Variants in EYS observed in about 807,000 individuals in gnomAD.
The protein encoded by EYS is protein eyes shut homolog.
Under a neutral mutation model 282.1 loss-of-function variants are expected in EYS, and 250 were observed. The observed-to-expected ratio is 0.89, with a 90% confidence interval of 0.80 to 0.98. The LOEUF is 0.98. Among genes scored for constraint, EYS ranks in the 50% least tolerant of loss-of-function variants. The pLI is 0.00. For missense variants in EYS, 4,016 were observed against 3,709.0 expected (o/e 1.08, Z -2.15); for synonymous variants, 1,355 against 1,282.9 (o/e 1.06, Z -1.20).
At chr6:64,976,349 T>G (rs2150113821) in intron 14 of EYS, among the ~76,000 whole-genome samples, 1 of 151,910 alleles carries the variant, frequency 6.6e-6, no homozygotes, top group East Asian at 1.9e-4. Context: ...CAGAGTGGTG[T>G]TTGGTTTATT....
chr6:64,944,653 C>T (rs895092033), intron 15 of EYS, among the ~76,000 whole-genome samples: 1 of 151,988 alleles, frequency 6.6e-6, no homozygotes, highest in African/African-American at 2.4e-5. Context: ...AGGGTCTGTG[C>T]TGAGGAGGAT....
intron 12 of EYS, among the ~76,000 whole-genome samples, chr6:65,281,994 T>C (rs1228688596): frequency 6.6e-6 from 1 of 151,982 alleles, no homozygotes; most frequent in Non-Finnish European, 1.5e-5. Flanking sequence ...TGAATAGTAC[T>C]GAAATGAATG....
rs531658629 is a variant in EYS at position 63,933,838 on chromosome 6, G to C, written c.7055+50545C>G. On this transcript the variant is annotated intron_variant, in intron 35 of 42. Transcript: ENST00000503581. Reference sequence around the variant, plus strand: ...TCTATATATGAAGGTTTGAGAGAGAGACACACACACATAATATCATCCAGG... The same window carrying C: ...TCTATATATGAAGGTTTGAGAGAGACACACACACACATAATATCATCCAGG... Among the ~76,000 whole-genome samples, 140 of 152,226 alleles carry C rather than the reference G, an allele frequency of 9.2e-4. 1 individual carries two copies. Among genetic ancestry groups the C allele is most frequent in the African/African-American group, 3.3e-3 (135 of 41,528 alleles).
intron 22 of EYS, among the ~76,000 whole-genome samples, chr6:64,656,312 A>C (rs1768742626): frequency 6.6e-6 from 1 of 152,078 alleles, no homozygotes; most frequent in South Asian, 2.1e-4. Context: ...TTTGAGAGTG[A>C]GTTAGGGGAG....
At chr6:64,812,551 G>T (rs1764629982) in intron 22 of EYS, among the ~76,000 whole-genome samples, 1 of 151,842 alleles carries the variant, frequency 6.6e-6, no homozygotes, top group Non-Finnish European at 1.5e-5. Context: ...TGTATAGAAG[G>T]CAGAATATAT....
chr6:65,333,199 A>C (rs1769859708), intron 11 of EYS, among the ~76,000 whole-genome samples: 2 of 151,484 alleles, frequency 1.3e-5, no homozygotes, highest in Admixed American at 1.3e-4. Flanking sequence ...TTTTATTCGC[A>C]GCACTGCATC....
intron 29 of EYS, among the ~76,000 whole-genome samples, chr6:64,337,224 G>A (rs753785968): frequency 8.6e-5 from 13 of 151,916 alleles, no homozygotes; most frequent in African/African-American, 3.1e-4. Flanking sequence ...ACAATTAATA[G>A]ACCATTAGCA....
At chr6:65,391,679 A>G (rs1334658064) in intron 7 of EYS, among the ~76,000 whole-genome samples, 1 of 152,204 alleles carries the variant, frequency 6.6e-6, no homozygotes, top group Admixed American at 6.5e-5. Flanking sequence ...GAGGATACAA[A>G]CAAATGGAAG....
At chr6:63,972,913 A>G (rs987565329) in intron 35 of EYS, among the ~76,000 whole-genome samples, 1 of 152,130 alleles carries the variant, frequency 6.6e-6, no homozygotes, top group Non-Finnish European at 1.5e-5. Context: ...TATATGTGCC[A>G]CATTTTCTTT....
rs867772159 is a variant in EYS at position 64,832,749 on chromosome 6, G to A, written c.2993-9927C>T. On this transcript the variant is annotated intron_variant, in intron 19 of 42. Coordinates refer to ENST00000503581, the MANE Select transcript of EYS (RefSeq NM_001142800.2). The stretch of plus-strand genomic sequence containing the variant: ...ATTAGTCAAGATGCACATATTAAAT[G>A]TATGTAGTGTTTTTGGATATCCATT... Among the ~76,000 whole-genome samples, 8 of 151,848 alleles carry A rather than the reference G, an allele frequency of 5.3e-5. No individual in the cohort carries two copies. In the South Asian group the frequency reaches 6.2e-4, roughly 12 times the overall value.
intron 22 of EYS, among the ~76,000 whole-genome samples, chr6:64,800,041 T>C (rs1774490092): frequency 6.6e-6 from 1 of 152,042 alleles, no homozygotes; most frequent in African/African-American, 2.4e-5. Context: ...GGTTTATAGT[T>C]CTGCTGAACT....
intron 11 of EYS, among the ~76,000 whole-genome samples, chr6:65,298,547 C>A (rs1768727310): frequency 6.6e-6 from 1 of 151,850 alleles, no homozygotes; most frequent in East Asian, 1.9e-4. Context: ...AATACTTTTT[C>A]TTGTGTACTC....
At chr6:63,725,513 T>G (rs992925964) in intron 42 of EYS, among the ~76,000 whole-genome samples, 1 of 152,046 alleles carries the variant, frequency 6.6e-6, no homozygotes, top group Admixed American at 6.6e-5. Flanking sequence ...AATAGAAAAT[T>G]TATGTTTGTA....
chr6:63,770,119 A>G (rs1769893964), intron 40 of EYS, among the ~76,000 whole-genome samples: 1 of 151,988 alleles, frequency 6.6e-6, no homozygotes. Flanking sequence ...TTAGGGCTTT[A>G]CCTTAGTGCC....
intron 12 of EYS, among the ~76,000 whole-genome samples, chr6:65,104,760 A>G (rs1288773760): frequency 6.6e-6 from 1 of 151,570 alleles, no homozygotes; most frequent in African/African-American, 2.4e-5. Flanking sequence ...ATTTATCAGC[A>G]TGAAACCCTA....
intron 26 of EYS, among the ~76,000 whole-genome samples, chr6:64,456,533 T>C (rs1158588593): frequency 6.6e-6 from 1 of 152,082 alleles, no homozygotes; most frequent in East Asian, 1.9e-4. Flanking sequence ...ATACCATGGC[T>C]ACAAGAGGGT....
At chr6:64,668,532 G>GT (rs1365847248) in intron 22 of EYS, among the ~76,000 whole-genome samples, 1 of 140,414 alleles carries the variant, frequency 7.1e-6, no homozygotes, top group African/African-American at 2.6e-5. Flanking sequence ...CTTCCAGCTA[G>GT]TACCACAATT....
At chr6:64,603,114 C>T (rs1417923632) in intron 24 of EYS, among the ~76,000 whole-genome samples, 1 of 152,070 alleles carries the variant, frequency 6.6e-6, no homozygotes, top group African/African-American at 2.4e-5. Flanking sequence ...CAGGTTCAAA[C>T]ACTGCCCTAC....
chr6:65,694,597 T>A lies in EYS; in HGVS notation c.-448+12538A>T, dbSNP rs1202828654. Among the ~76,000 whole-genome samples the A allele has an allele frequency of 1.3e-5, 2 of 150,302 alleles. 1 individual carries two copies. Among genetic ancestry groups the A allele is most frequent in the East Asian group, 4.5e-4 (2 of 4,404 alleles). ...AGGTAACTAAAACTATAAATATAGTTAACAGTGTACTTTCTGGGGTCAGCC... is the reference window on the plus strand; with the variant it reads ...AGGTAACTAAAACTATAAATATAGTAAACAGTGTACTTTCTGGGGTCAGCC... On this transcript the variant is annotated intron_variant, in intron 1 of 42. Coordinates refer to ENST00000503581, the MANE Select transcript of EYS (RefSeq NM_001142800.2).
Sources: allele counts gnomAD v4.1 joint callset (sites outside exome capture counted in the v4.1 genomes callset), GRCh38; gene constraint gnomAD v4.1.1; transcripts MANE v1.5; gene names NCBI Gene and HGNC (gene_info 2026-07-23, HGNC 2026-07-21).